Variants in DOCK3 observed in about 807,000 individuals in gnomAD.
DOCK3 encodes dedicator of cytokinesis protein 3.
Under a neutral mutation model 265.6 loss-of-function variants are expected in DOCK3, and 60 were observed. That is an observed-to-expected ratio of 0.23 (90% CI 0.18 to 0.28). DOCK3 has a LOEUF of 0.28. Among genes scored for constraint, DOCK3 ranks in the 10% least tolerant of loss-of-function variants. DOCK3 has a pLI of 1.00. For synonymous variants in DOCK3, 881 were observed against 938.0 expected, an observed-to-expected ratio of 0.94 and a Z score of 1.11; for missense variants, 1,981 against 2,594.3, an observed-to-expected ratio of 0.76 and a Z score of 5.14.
At chr3:51,203,093 T>A (rs1475864782) in intron 12 of DOCK3, among the ~76,000 whole-genome samples, 2 of 152,168 alleles carry the variant, frequency 1.3e-5, no homozygotes, top group African/African-American at 2.4e-5. Context: ...AAGCATTCCC[T>A]TTGAAAACTG....
chr3:51,088,950 A>T (rs1450383743), intron 7 of DOCK3, among the ~76,000 whole-genome samples: 4 of 152,172 alleles, frequency 2.6e-5, no homozygotes, highest in African/African-American at 9.7e-5. Flanking sequence ...CAAAGCAAAA[A>T]TTTAGTACCA....
At chr3:50,843,416 T>C (rs1477020234) in intron 3 of DOCK3, among the ~76,000 whole-genome samples, 2 of 152,208 alleles carry the variant, frequency 1.3e-5, no homozygotes, top group Non-Finnish European at 2.9e-5. Context: ...GGGGTTTCTC[T>C]ATTTCCATGT....
At chr3:51,355,717 A>T (rs2086314912) in intron 41 of DOCK3, among the ~76,000 whole-genome samples, 1 of 152,206 alleles carries the variant, frequency 6.6e-6, no homozygotes, top group South Asian at 2.1e-4. Flanking sequence ...TTCAGTAAAT[A>T]TGCTTTACCT....
chr3:51,271,851 GAAAA>G (rs766713829), intron 24 of DOCK3, among the ~76,000 whole-genome samples: 5 of 65,564 alleles, frequency 7.6e-5, no homozygotes, highest in Non-Finnish European at 1.2e-4. Context: ...ACTGTCTCAG[GAAAA>G]AAAAAAAAAA....
intron 1 of DOCK3, chr3:50,720,014 T>G (rs1166170890): frequency 3.4e-6 from 1 of 290,156 alleles, no homozygotes; most frequent in Non-Finnish European, 6.6e-6. Flanking sequence ...TGATCTGTCT[T>G]CAAGTTCACT....
chr3:51,326,840 G>A (rs1436398376), intron 32 of DOCK3, among the ~76,000 whole-genome samples: 2 of 151,824 alleles, frequency 1.3e-5, no homozygotes, highest in East Asian at 3.9e-4. Flanking sequence ...GGTCAGGCTG[G>A]TCTCAAACTC....
intron 22 of DOCK3, among the ~76,000 whole-genome samples, chr3:51,249,721 CT>C (rs368284395): frequency 0.025 from 2,563 of 101,788 alleles, 40 homozygotes; most frequent in South Asian, 0.071. Flanking sequence ...CCGGCCGCCC[CT>C]ACTGGAAAGT....
In DOCK3 at chr3:50,812,710, G is replaced by T. The variant is rs574796670; in HGVS notation, c.122-28965G>T. Reference sequence around the variant, plus strand: ...TGGGCCACTCACAATGGGGCGGGCCGTCTGCTTTATTCAGTCTACTGATTC... The same window carrying T: ...TGGGCCACTCACAATGGGGCGGGCCTTCTGCTTTATTCAGTCTACTGATTC... On this transcript the variant is annotated intron_variant, in intron 2 of 52. Transcript: ENST00000266037. 1.4e-4 allele frequency among the ~76,000 whole-genome samples: 21 copies of T among 152,310 alleles called. No individual in the cohort carries two copies. In the South Asian group the frequency reaches 2.7e-3, roughly 20 times the overall value.
chr3:50,810,537 C>T lies in DOCK3; in HGVS notation c.122-31138C>T, dbSNP rs112691880. ...CAGCCTGGGCAACAGAGCGACACTC[C>T]GTCTGAAAAAAATTTTTTTTTAAAT... On this transcript the variant is annotated intron_variant, in intron 2 of 52. Transcript: ENST00000266037. 2.9e-3 allele frequency among the ~76,000 whole-genome samples: 441 copies of T among 151,916 alleles called. 4 individuals carry two copies. Among genetic ancestry groups the T allele is most frequent in the African/African-American group, 0.01 (420 of 41,416 alleles).
At chr3:50,856,664 T>C (rs969046325) in intron 3 of DOCK3, among the ~76,000 whole-genome samples, 1 of 152,202 alleles carries the variant, frequency 6.6e-6, no homozygotes, top group African/African-American at 2.4e-5. Context: ...TCTTTTGCTG[T>C]GATGGCCTTT....
intron 10 of DOCK3, among the ~76,000 whole-genome samples, chr3:51,152,891 C>T (rs1352902360): frequency 6.6e-6 from 1 of 152,168 alleles, no homozygotes; most frequent in Non-Finnish European, 1.5e-5. Context: ...GAGGGGCACC[C>T]ACCTGTATGA....
chr3:50,693,826 C>T (rs1318512764), intron 1 of DOCK3, among the ~76,000 whole-genome samples: 19 of 151,770 alleles, frequency 1.3e-4, no homozygotes, highest in Admixed American at 9.2e-4. Flanking sequence ...TGTGAGCCAC[C>T]GCACCTGGCC....
chr3:50,680,751 C>A (rs1360050155), intron 1 of DOCK3, among the ~76,000 whole-genome samples: 2 of 151,812 alleles, frequency 1.3e-5, no homozygotes, highest in Non-Finnish European at 2.9e-5. Flanking sequence ...CCTCAAGAGA[C>A]CCTCCCTCCT....
chr3:50,722,931 C>A (rs1049798258), intron 1 of DOCK3, among the ~76,000 whole-genome samples: 4 of 151,988 alleles, frequency 2.6e-5, no homozygotes, highest in Non-Finnish European at 5.9e-5. Context: ...GCCACCACAC[C>A]CAGCTAATTT....
chr3:51,108,015 G>A (rs1203101063), intron 9 of DOCK3, among the ~76,000 whole-genome samples: 3 of 151,042 alleles, frequency 2.0e-5, no homozygotes, highest in Non-Finnish European at 4.4e-5. Flanking sequence ...CAAGCCAGAA[G>A]AGATTGAGGG....
intron 23 of DOCK3, among the ~76,000 whole-genome samples, chr3:51,264,752 G>C (rs190791698): frequency 2.1e-4 from 32 of 152,020 alleles, no homozygotes; most frequent in African/African-American, 7.5e-4. Context: ...GCCTGAACCT[G>C]GGAGGCGGGG....
At chr3:50,743,290 G>A (rs1274581094) in intron 1 of DOCK3, among the ~76,000 whole-genome samples, 4 of 152,046 alleles carry the variant, frequency 2.6e-5, no homozygotes, top group African/African-American at 2.4e-5. Context: ...ATCAACTGAC[G>A]AGCAAAATAA....
At chr3:51,090,084 C>A in intron 8 of DOCK3, 146 bp from the exon 9 acceptor site, 1 of 947,198 alleles carries the variant, frequency 1.1e-6, no homozygotes, top group Non-Finnish European at 1.5e-6. Context: ...TGCAGCATCC[C>A]CTACAAGCAG....
chr3:51,380,264 C>G, intron 52 of DOCK3, 57 bp downstream of exon 52: 1 of 1,512,946 alleles, frequency 6.6e-7, no homozygotes, highest in Admixed American at 1.7e-5. Flanking sequence ...CTCGTCTGCT[C>G]TAGAACCACC....
Sources: gnomAD v4.1 joint callset for allele counts (sites outside exome capture counted in the v4.1 genomes callset) on GRCh38, gnomAD v4.1.1 for gene constraint, MANE v1.5 for transcripts, NCBI Gene and HGNC (gene_info 2026-07-23, HGNC 2026-07-21) for gene names.